SNTG1: variants seen among roughly 807,000 people sequenced by gnomAD.
SNTG1 encodes gamma-1-syntrophin.
SNTG1 carries 39 observed loss-of-function variants against 74.7 expected under a neutral mutation model. That is an observed-to-expected ratio of 0.52 (90% CI 0.40 to 0.68). The LOEUF is 0.68. Among genes scored for constraint, SNTG1 ranks in the 30% least tolerant of loss-of-function variants. The pLI is 0.00. For synonymous variants in SNTG1, 254 were observed against 217.1 expected, an observed-to-expected ratio of 1.17 and a Z score of -1.49; for missense variants, 685 against 609.5, an observed-to-expected ratio of 1.12 and a Z score of -1.30.
intron 17 of SNTG1, among the ~76,000 whole-genome samples, chr8:50,720,197 T>A (rs1452963365): frequency 6.6e-6 from 1 of 152,202 alleles, no homozygotes; most frequent in East Asian, 1.9e-4. Flanking sequence ...ACCTTTGTAT[T>A]CCCATCTCAA....
intron 4 of SNTG1, among the ~76,000 whole-genome samples, chr8:50,435,331 G>C (rs1317759735): frequency 6.6e-6 from 1 of 152,092 alleles, no homozygotes; most frequent in Non-Finnish European, 1.5e-5. Flanking sequence ...CAATACTTTG[G>C]TCTCCCAAAG....
chr8:50,316,679 T>C (rs2090329122), intron 2 of SNTG1, among the ~76,000 whole-genome samples: 1 of 152,078 alleles, frequency 6.6e-6, no homozygotes, highest in East Asian at 1.9e-4. Context: ...AGCAGTCCAG[T>C]TAGTACTAAG....
intron 13 of SNTG1, among the ~76,000 whole-genome samples, chr8:50,650,911 G>C (rs1224984926): frequency 6.6e-6 from 1 of 152,110 alleles, no homozygotes; most frequent in Non-Finnish European, 1.5e-5. Context: ...ATGTGGGCCA[G>C]GCTGGTCTCG....
chr8:50,348,264 G>A (rs2091541576), intron 2 of SNTG1, among the ~76,000 whole-genome samples: 1 of 152,172 alleles, frequency 6.6e-6, no homozygotes, highest in African/African-American at 2.4e-5. Context: ...GGGTGGTTGA[G>A]TGGTTATCTG....
At chr8:50,020,323 A>T (rs1816706402) in intron 1 of SNTG1, among the ~76,000 whole-genome samples, 1 of 152,118 alleles carries the variant, frequency 6.6e-6, no homozygotes, top group Admixed American at 6.6e-5. Flanking sequence ...TGACATATTT[A>T]CACAAGGTCT....
At chr8:50,173,126 T>C (rs1181669253) in intron 2 of SNTG1, among the ~76,000 whole-genome samples, 1 of 152,156 alleles carries the variant, frequency 6.6e-6, no homozygotes, top group Non-Finnish European at 1.5e-5. Flanking sequence ...TGTCACGTTC[T>C]CTTTTGTTTG....
chr8:50,697,152 C>T (rs989155286), intron 15 of SNTG1, among the ~76,000 whole-genome samples: 5 of 151,928 alleles, frequency 3.3e-5, no homozygotes, highest in Non-Finnish European at 5.9e-5. Context: ...TGGTAGAGCT[C>T]TTTTACCTCC....
intron 15 of SNTG1, among the ~76,000 whole-genome samples, chr8:50,686,511 C>T (rs2095353018): frequency 6.6e-6 from 1 of 152,044 alleles, no homozygotes; most frequent in Admixed American, 6.6e-5. Context: ...TTGTATTCTC[C>T]TTTCTTTTTC....
chr8:50,076,208 A>C (rs557125183), intron 1 of SNTG1, among the ~76,000 whole-genome samples: 17 of 152,212 alleles, frequency 1.1e-4, no homozygotes, highest in Non-Finnish European at 1.9e-4. Flanking sequence ...AGCAAATTCC[A>C]CATGCTAATT....
chr8:50,208,743 G>A (rs1033320960), intron 2 of SNTG1, among the ~76,000 whole-genome samples: 1 of 152,164 alleles, frequency 6.6e-6, no homozygotes, highest in South Asian at 2.1e-4. Context: ...AGGAGCTTTT[G>A]TAAGGCAGGC....
At chr8:49,973,999 A>C (rs1401797722) in intron 1 of SNTG1, among the ~76,000 whole-genome samples, 1 of 152,178 alleles carries the variant, frequency 6.6e-6, no homozygotes, top group Non-Finnish European at 1.5e-5. Context: ...TTATGTCGTT[A>C]GAATGTTAGG....
chr8:50,384,672 C>A (rs1336450794), intron 2 of SNTG1, among the ~76,000 whole-genome samples: 1 of 152,172 alleles, frequency 6.6e-6, no homozygotes, highest in Admixed American at 6.5e-5. Context: ...TGTGCAGAAC[C>A]ATCTCTAACC....
chr8:50,237,548 A>G (rs541504347), intron 2 of SNTG1, among the ~76,000 whole-genome samples: 1 of 152,284 alleles, frequency 6.6e-6, no homozygotes, highest in Admixed American at 6.5e-5. Context: ...AACAGACCTT[A>G]TAGAAAAGAC....
intron 2 of SNTG1, among the ~76,000 whole-genome samples, chr8:50,387,394 A>G (rs1284534434): frequency 6.6e-6 from 1 of 152,138 alleles, no homozygotes; most frequent in Non-Finnish European, 1.5e-5. Context: ...CTCTTGTATG[A>G]TAAATCCACT....
At chr8:50,209,461 GACACCTCCCA>G (rs1271532795) in intron 2 of SNTG1, among the ~76,000 whole-genome samples, 1 of 152,178 alleles carries the variant, frequency 6.6e-6, no homozygotes, top group Non-Finnish European at 1.5e-5. Context: ...CTAACTGGGA[GACACCTCCCA>G]GTAGGGGCCG....
intron 13 of SNTG1, among the ~76,000 whole-genome samples, chr8:50,596,737 T>G (rs1301627180): frequency 6.6e-6 from 1 of 152,090 alleles, no homozygotes; most frequent in African/African-American, 2.4e-5. Context: ...TGTAATTATT[T>G]GCTGTTGTTG....
intron 2 of SNTG1, among the ~76,000 whole-genome samples, chr8:50,226,324 G>GA (rs1304883757): frequency 6.6e-6 from 1 of 152,104 alleles, no homozygotes; most frequent in Non-Finnish European, 1.5e-5. Flanking sequence ...AGACAAGGAA[G>GA]AAAATCAAAA....
chr8:50,177,801 T>C (rs573883631), intron 2 of SNTG1, among the ~76,000 whole-genome samples: 23 of 152,342 alleles, frequency 1.5e-4, no homozygotes, highest in African/African-American at 5.3e-4. Context: ...ATGCATATCA[T>C]GGAACCATCA....
chr8:50,556,214 G>C (rs1377638923), intron 12 of SNTG1, among the ~76,000 whole-genome samples: 1 of 152,144 alleles, frequency 6.6e-6, no homozygotes, highest in Non-Finnish European at 1.5e-5. Context: ...CTACTAGAAT[G>C]AGGGTGAAGG....
Sources: gnomAD v4.1 joint callset for allele counts (sites outside exome capture counted in the v4.1 genomes callset) on GRCh38, gnomAD v4.1.1 for gene constraint, MANE v1.5 for transcripts, NCBI Gene and HGNC (gene_info 2026-07-23, HGNC 2026-07-21) for gene names.